Variants in SPESP1 observed in about 807,000 individuals in gnomAD.
SPESP1 encodes the protein equatorial segment protein.
Under a neutral mutation model 3.1 loss-of-function variants are expected in SPESP1, and 1 was observed. That is an observed-to-expected ratio of 0.33 (90% confidence interval 0.12 to 1.54). The LOEUF is 1.54. Among genes scored for constraint, SPESP1 ranks in the 40% most tolerant of loss-of-function variants. The probability of loss-of-function intolerance (pLI) is 0.38; values close to 1 mark genes in which losing one functional copy is unlikely to be tolerated. For synonymous variants in SPESP1, 138 were observed against 150.7 expected, an observed-to-expected ratio of 0.92 and a Z score of 0.62; for missense variants, 398 against 410.1, an observed-to-expected ratio of 0.97 and a Z score of 0.26.
chr15:68,931,753 A>C (rs1240039417), intron 1 of SPESP1, among the ~76,000 whole-genome samples: 1 of 152,228 alleles, frequency 6.6e-6, no homozygotes, highest in East Asian at 1.9e-4. Context: ...TCATGTGGGC[A>C]CCTTAAGGCA....
Position 68,930,543 on chromosome 15 carries a change from G to T in SPESP1, c.-111G>T. ...GACAACCGTTGCTGGGTGTCCCAGG[G>T]CCTGAGGCAGGACGGTACTCCGCTG... On this transcript the variant is annotated 5_prime_UTR_variant, in exon 1 of 2. Transcript: ENST00000310673. The T allele has an allele frequency of 6.9e-7, 1 of 1,457,054 alleles. No individual in the cohort carries two copies. The highest frequency in any genetic ancestry group is 2.3e-5 in the East Asian group (1 of 43,134). 90.3% of individuals were successfully genotyped at this position (1,457,054 alleles called of 1,614,324 possible).
chr15:68,933,736 G>A (rs560734756), intron 1 of SPESP1, among the ~76,000 whole-genome samples: 27 of 151,992 alleles, frequency 1.8e-4, no homozygotes, highest in Non-Finnish European at 3.4e-4. Context: ...GGGCAGGCCT[G>A]TAGTCCCAGC....
intron 1 of SPESP1, among the ~76,000 whole-genome samples, chr15:68,943,198 C>T (rs891415694): frequency 2.0e-5 from 3 of 151,824 alleles, no homozygotes; most frequent in African/African-American, 7.3e-5. Context: ...GGCAACTGCC[C>T]ATATGAGTTT....
chr15:68,942,186 C>T (rs373849086), intron 1 of SPESP1, among the ~76,000 whole-genome samples: 376 of 123,472 alleles, frequency 3.0e-3, no homozygotes, highest in African/African-American at 0.013. Flanking sequence ...TTTTTTGAGA[C>T]GGAGTCTCGC....
rs535679046 is a variant in SPESP1 at position 68,946,304 on chromosome 15, C to T, written c.770C>T (p.Ser257Phe). Residue 257 changes from serine to phenylalanine, a missense_variant, in exon 2 of 2, where the codon TCT (serine) becomes TTT (phenylalanine). Transcript: ENST00000310673. ...NPAYREDIEA[S>F]KDHLKRSLAL... ...GCATATAGAGAAGATATTGAAGCCT[C>T]TAAAGATCACCTAAAACGAAGCCTT... The T allele has an allele frequency of 3.7e-6, 6 of 1,614,088 alleles. No individual in the cohort carries two copies. The highest frequency in any genetic ancestry group is 4.5e-5 in the East Asian group (2 of 44,886).
Position 68,946,065 on chromosome 15 carries a change from C to T in SPESP1, c.531C>T (p.Tyr177=). Reference sequence around the variant, plus strand: ...CTACAAGTCCATATGTTACCTCATACAAGTCACCTGTCACCACTTTAGATA... The same window carrying T: ...CTACAAGTCCATATGTTACCTCATATAAGTCACCTGTCACCACTTTAGATA... ...ESSTSPYVTS[Y]KSPVTTLDKS... The change falls in exon 2 of 2, where the codon TAC becomes TAT. Residue 177 remains tyrosine (Y), a synonymous_variant. Transcript: ENST00000310673. 1 of 1,614,158 alleles carries T rather than the reference C, an allele frequency of 6.2e-7. No individual in the cohort carries two copies.
In SPESP1 at chr15:68,945,919, G is replaced by T; in HGVS notation, c.385G>T (p.Val129Phe). The T allele has an allele frequency of 6.2e-7, 1 of 1,614,054 alleles. No homozygotes were observed. Among genetic ancestry groups the T allele is most frequent in the Non-Finnish European group, 8.5e-7 (1 of 1,180,002 alleles). Reference protein sequence around the residue: ...TPFWSIKPNNVSIVLHAEEPY... With the variant: ...TPFWSIKPNNFSIVLHAEEPY... ...ATTCTGGTCGATCAAACCAAACAAT[G>T]TTTCCATTGTTTTGCATGCAGAGGA... Residue 129 changes from valine (V) to phenylalanine (F), a missense_variant, in exon 2 of 2, where the codon GTT becomes TTT. Val to Phe is a conservative substitution (Grantham distance 50, BLOSUM62 -1). Coordinates refer to ENST00000310673, the MANE Select transcript of SPESP1 (RefSeq NM_145658.4).
intron 1 of SPESP1, among the ~76,000 whole-genome samples, chr15:68,937,013 C>G (rs1215626721): frequency 6.6e-6 from 1 of 152,088 alleles, no homozygotes; most frequent in East Asian, 1.9e-4. Context: ...AAAGAACATT[C>G]TTATTACTCA....
At chr15:68,940,051 A>T (rs1895778936) in intron 1 of SPESP1, among the ~76,000 whole-genome samples, 1 of 152,202 alleles carries the variant, frequency 6.6e-6, no homozygotes, top group Non-Finnish European at 1.5e-5. Context: ...GGAAAAATTT[A>T]AATATGTACA....
intron 1 of SPESP1, among the ~76,000 whole-genome samples, chr15:68,933,600 T>TTTAC (rs1209265219): frequency 6.6e-6 from 1 of 151,188 alleles, no homozygotes; most frequent in Admixed American, 6.6e-5. Context: ...GTCTTACACC[T>TTTAC]GTAATCCCAG....
intron 1 of SPESP1, among the ~76,000 whole-genome samples, chr15:68,937,902 G>T (rs2140421966): frequency 6.6e-6 from 1 of 152,026 alleles, no homozygotes; most frequent in Admixed American, 6.5e-5. Flanking sequence ...CCTTTAATTG[G>T]TCATTCTATG....
intron 1 of SPESP1, among the ~76,000 whole-genome samples, chr15:68,938,104 G>T (rs149609506): frequency 6.6e-6 from 1 of 151,756 alleles, no homozygotes; most frequent in Non-Finnish European, 1.5e-5. Context: ...CCTCAGCCTC[G>T]AGAGTAGCTG....
chr15:68,936,136 A>G (rs1032468486), intron 1 of SPESP1, among the ~76,000 whole-genome samples: 7 of 152,216 alleles, frequency 4.6e-5, no homozygotes, highest in South Asian at 4.2e-4. Flanking sequence ...TGGACCATCT[A>G]TAAGTGATGG....
chr15:68,941,639 AT>A (rs1297293984), intron 1 of SPESP1, among the ~76,000 whole-genome samples: 1 of 152,086 alleles, frequency 6.6e-6, no homozygotes, highest in Non-Finnish European at 1.5e-5. Flanking sequence ...TCTATCTCTT[AT>A]AAGAACATTT....
At chr15:68,941,525 G>A (rs940795781) in intron 1 of SPESP1, among the ~76,000 whole-genome samples, 1 of 152,060 alleles carries the variant, frequency 6.6e-6, no homozygotes, top group Non-Finnish European at 1.5e-5. Flanking sequence ...TCTAGTTTCT[G>A]GTGGCTGCCT....
intron 1 of SPESP1, among the ~76,000 whole-genome samples, chr15:68,935,924 A>T (rs540701056): frequency 3.3e-5 from 5 of 152,220 alleles, no homozygotes; most frequent in Non-Finnish European, 7.3e-5. Context: ...TAACCTTCAT[A>T]AAAGTTCATT....
intron 1 of SPESP1, 70 bp from the exon 2 acceptor site, chr15:68,945,529 G>A (rs1895935721): frequency 7.9e-7 from 1 of 1,266,496 alleles, no homozygotes; most frequent in African/African-American, 1.5e-5. Flanking sequence ...ATTTTGGTCA[G>A]TAGATTCTGT....
In SPESP1 at chr15:68,931,503, G is replaced by GA. The variant is rs36070076; in HGVS notation, c.64+793dup. On this transcript the variant is annotated intron_variant, in intron 1 of 1. Transcript: ENST00000310673. ...AGTATTTACTCTCTGGCCCTGTACA[G>GA]AAAAAAAGGTTGACCCGTACGGTAA... 2.6e-5 allele frequency among the ~76,000 whole-genome samples: 4 copies of GA among 152,212 alleles called. No homozygotes were observed. The East Asian group carries it at 7.7e-4, about 29-fold the overall frequency.
chr15:68,945,165 AT>A (rs1895927850), intron 1 of SPESP1, among the ~76,000 whole-genome samples: 2 of 152,224 alleles, frequency 1.3e-5, no homozygotes, highest in Non-Finnish European at 2.9e-5. Flanking sequence ...AGATAAGTTA[AT>A]TGTTAAATAA....
Sources: allele counts gnomAD v4.1 joint callset (sites outside exome capture counted in the v4.1 genomes callset), GRCh38; gene constraint gnomAD v4.1.1; transcripts MANE v1.5; gene names NCBI Gene and HGNC (gene_info 2026-07-23, HGNC 2026-07-21).